DSG3: variants seen among roughly 807,000 people sequenced by gnomAD.
The protein encoded by DSG3 is desmoglein-3.
A neutral mutation model predicts 85.9 loss-of-function variants in DSG3; 63 were observed. That is an observed-to-expected ratio of 0.73 (90% CI 0.60 to 0.90). The LOEUF (loss-of-function observed/expected upper bound fraction) is 0.90. DSG3 is among the 40% of genes least tolerant of loss of function. DSG3 has a pLI of 0.00. For synonymous variants in DSG3, 447 were observed against 441.9 expected, an observed-to-expected ratio of 1.01 and a Z score of -0.14; for missense variants, 1,220 against 1,219.9, an observed-to-expected ratio of 1.00 and a Z score of 0.00.
chr18:31,460,993 G>A (rs776325825), intron 7 of DSG3, 32 bp downstream of exon 7: 2 of 1,551,974 alleles, frequency 1.3e-6, no homozygotes, highest in Non-Finnish European at 1.7e-6. Flanking sequence ...GAATCATTTA[G>A]ATATATATTT....
intron 1 of DSG3, among the ~76,000 whole-genome samples, chr18:31,449,467 T>C (rs116175575): frequency 0.28 from 42,484 of 151,582 alleles, 6,815 homozygotes; most frequent in African/African-American, 0.45. Context: ...CTAAGGGGGA[T>C]TCTTTTTTTT....
intron 2 of DSG3, 105 bp from the exon 3 acceptor site, chr18:31,456,888 T>C: frequency 8.6e-7 from 1 of 1,162,538 alleles, no homozygotes; most frequent in Non-Finnish European, 1.2e-6. Context: ...ACAGTCTTAG[T>C]GATCTTGAAA....
chr18:31,466,398 T>C (rs532093696), intron 10 of DSG3, 132 bp from the exon 11 acceptor site: 2 of 752,766 alleles, frequency 2.7e-6, no homozygotes, highest in African/African-American at 3.5e-5. Flanking sequence ...TATTTTTACT[T>C]CTGAGGATAA....
chr18:31,472,246 A>T (rs778279609), intron 12 of DSG3, 38 bp from the exon 13 acceptor site: 1 of 1,613,618 alleles, frequency 6.2e-7, no homozygotes. Flanking sequence ...TTCCTAAATT[A>T]GTCAAGTGTT....
chr18:31,463,795 A>G (rs2072800158), intron 8 of DSG3, among the ~76,000 whole-genome samples: 1 of 152,170 alleles, frequency 6.6e-6, no homozygotes, highest in Non-Finnish European at 1.5e-5. Flanking sequence ...GCTATTAAGC[A>G]GCAGAACCAG....
chr18:31,465,020 T>C (rs1412693912), intron 9 of DSG3, among the ~76,000 whole-genome samples: 1 of 151,636 alleles, frequency 6.6e-6, no homozygotes, highest in African/African-American at 2.4e-5. Context: ...TAATCCCAGC[T>C]ACTCGGGAGG....
Position 31,453,149 on chromosome 18 carries a change from AATG to A in DSG3, c.49-3288_49-3286del, listed in dbSNP as rs140933123. On this transcript the variant is annotated intron_variant, in intron 1 of 15. Coordinates refer to ENST00000257189, the MANE Select transcript of DSG3 (RefSeq NM_001944.3). ...AGATATTATGAAAGATGCTAATATG[AATG>A]ATATTACTTACCTGTGTATATTTCA... Among the ~76,000 whole-genome samples the A allele has an allele frequency of 5.4e-3, 815 of 152,322 alleles. 7 individuals carry two copies. The highest frequency in any genetic ancestry group is 0.018 in the African/African-American group (767 of 41,568).
rs182644997 is a variant in DSG3 at position 31,465,329 on chromosome 18, G to T, written c.1283G>T (p.Gly428Val). 4.8e-6 allele frequency: 7 copies of T among 1,470,168 alleles called. No homozygotes were observed. The highest frequency in any genetic ancestry group is 6.3e-6 in the Non-Finnish European group (7 of 1,106,730). The allele number at this position is 1,470,168 out of a possible 1,614,324, so 91.1% of individuals were successfully genotyped here. Reference protein sequence around the residue: ...KAASNVKYVMGRNDGGYLMID... With the variant: ...KAASNVKYVMVRNDGGYLMID... ...ATATTATGAAACAGATATGTCATGG[G>T]ACGTAACGATGGTGGATACCTAATG... is the stretch of plus-strand genomic sequence containing the variant. The change falls in exon 10 of 16, where the codon GGA (glycine) becomes GTA (valine). Residue 428 changes from glycine to valine, a missense_variant. Physicochemically the swap from Gly to Val is moderately radical, Grantham distance 109. Transcript: ENST00000257189.
In DSG3 at chr18:31,478,697, G is replaced by C. The variant is rs1168808596; in HGVS notation, c.*2437G>C. On this transcript the variant is annotated 3_prime_UTR_variant, in exon 16 of 16. Coordinates refer to ENST00000257189, the MANE Select transcript of DSG3 (RefSeq NM_001944.3). The stretch of plus-strand genomic sequence containing the variant: ...ACAGGCAATAAATTTATAAATAAAA[G>C]CTGAACTACTCTCTATATTAATAGT... 3.3e-5 allele frequency: 5 copies of C among 152,072 alleles called. No individual in the cohort carries two copies. Among genetic ancestry groups the C allele is most frequent in the Non-Finnish European group, 2.9e-5 (2 of 68,014 alleles). The allele number at this position is 152,072 out of a possible 1,614,324, so 9.4% of individuals were successfully genotyped here. A position where few individuals can be genotyped will look rare whatever the true frequency, so the allele number is the denominator to read the frequency against.
intron 3 of DSG3, among the ~76,000 whole-genome samples, chr18:31,458,234 T>C (rs1259528687): frequency 6.6e-6 from 1 of 152,160 alleles, no homozygotes; most frequent in African/African-American, 2.4e-5. Context: ...ACTAAAATGA[T>C]TAGTGCACAT....
At chr18:31,464,087 C>A (rs2072801683) in intron 8 of DSG3, 24 bp from the exon 9 acceptor site, 2 of 1,599,824 alleles carry the variant, frequency 1.3e-6, no homozygotes, top group South Asian at 2.2e-5. Flanking sequence ...GTGAAACTGC[C>A]TTCTAATTTT....
rs1191343676 is a variant in DSG3 at position 31,477,902 on chromosome 18, T to G, written c.*1642T>G. The G allele has an allele frequency of 2.0e-5, 3 of 152,228 alleles. No homozygotes were observed. The highest frequency in any genetic ancestry group is 4.4e-5 in the Non-Finnish European group (3 of 68,038). 9.4% of individuals were successfully genotyped at this position (152,228 alleles called of 1,614,324 possible). On this transcript the variant is annotated 3_prime_UTR_variant, in exon 16 of 16. Coordinates refer to ENST00000257189, the MANE Select transcript of DSG3 (RefSeq NM_001944.3). ...TTCCTTTCTTCGTTTTTCACCATAT[T>G]CAAAACCTAAATTTGTTTTTGCAGA...
At position 31,460,963 on chromosome 18, in the gene DSG3, T is replaced by TAC. The variant is rs750081508; in HGVS notation, c.813+5_813+6dup. On this transcript the variant is annotated splice_region_variant and intron_variant, in intron 7 of 15. Transcript: ENST00000257189. The stretch of plus-strand genomic sequence containing the variant: ...TTCCCAATGTTTAGAGACTCTCAGG[T>TAC]ACACCCATTGCTCCTTAAAGAATCA... 2.5e-6 allele frequency: 4 copies of TAC among 1,586,018 alleles called. No individual in the cohort carries two copies. The South Asian group carries it at 4.7e-5, about 19-fold the overall frequency.
chr18:31,471,756 A>T (rs1030676108), intron 12 of DSG3, among the ~76,000 whole-genome samples: 1 of 152,242 alleles, frequency 6.6e-6, no homozygotes, highest in African/African-American at 2.4e-5. Flanking sequence ...TTAAGAATGC[A>T]TTGACAGCCA....
intron 1 of DSG3, among the ~76,000 whole-genome samples, chr18:31,454,482 G>A (rs988554758): frequency 6.6e-6 from 1 of 152,156 alleles, no homozygotes; most frequent in Non-Finnish European, 1.5e-5. Flanking sequence ...GTTTCAGCTG[G>A]AATGTCTAGA....
At chr18:31,450,703 C>T (rs2072706371) in intron 1 of DSG3, among the ~76,000 whole-genome samples, 1 of 152,082 alleles carries the variant, frequency 6.6e-6, no homozygotes, top group South Asian at 2.1e-4. Flanking sequence ...GGCTTTGTTT[C>T]CTCAACTGTC....
At chr18:31,452,092 G>A (rs1298362553) in intron 1 of DSG3, among the ~76,000 whole-genome samples, 2 of 152,138 alleles carry the variant, frequency 1.3e-5, no homozygotes, top group Non-Finnish European at 2.9e-5. Context: ...CGTGAGGAGT[G>A]CCCTGGCATT....
At position 31,447,966 on chromosome 18, in the gene DSG3, T is replaced by A. The variant is rs185753819; in HGVS notation, c.48+41T>A. On this transcript the variant is annotated intron_variant, in intron 1 of 15. Coordinates refer to ENST00000257189, the MANE Select transcript of DSG3 (RefSeq NM_001944.3). The stretch of plus-strand genomic sequence containing the variant: ...TCCTAATAATCACAAACTTCCCTGC[T>A]TCCTCCCTTGTTAAAGAATATTATA... 2.2e-3 allele frequency: 3,259 copies of A among 1,467,406 alleles called. 7 individuals carry two copies. The highest frequency in any genetic ancestry group is 2.8e-3 in the Non-Finnish European group (3,007 of 1,090,652). 90.9% of individuals were successfully genotyped at this position (1,467,406 alleles called of 1,614,324 possible).
At position 31,474,414 on chromosome 18, in the gene DSG3, T is replaced by TG; in HGVS notation, c.2385+11dup. On this transcript the variant is annotated intron_variant, in intron 15 of 15. Transcript: ENST00000257189. ...CTCCTACTTTTCTCAGGTAATTTGGTGAAAAACTTTGTGGCTTGATTATCT... is the reference window on the plus strand; with the variant it reads ...CTCCTACTTTTCTCAGGTAATTTGGTGGAAAAACTTTGTGGCTTGATTATCT... The TG allele has an allele frequency of 6.3e-7, 1 of 1,588,918 alleles. No individual in the cohort carries two copies.
Sources: allele counts gnomAD v4.1 joint callset (sites outside exome capture counted in the v4.1 genomes callset), GRCh38; gene constraint gnomAD v4.1.1; transcripts MANE v1.5; gene names NCBI Gene and HGNC (gene_info 2026-07-23, HGNC 2026-07-21).